Variants in TBC1D23 observed in about 807,000 individuals in gnomAD.
TBC1D23 encodes HCV non-structural protein 4A-transactivated protein 1.
A neutral mutation model predicts 91.4 loss-of-function variants in TBC1D23; 55 were observed. That is an observed-to-expected ratio of 0.60 (90% confidence interval 0.48 to 0.75). The LOEUF is 0.75. Among genes scored for constraint, TBC1D23 ranks in the 30% least tolerant of loss-of-function variants. The pLI, the probability that TBC1D23 is intolerant of heterozygous loss-of-function variation, is 0.00. For missense variants in TBC1D23, 725 were observed against 836.1 expected (o/e 0.87, Z 1.64); for synonymous variants, 289 against 281.0 (o/e 1.03, Z -0.28).
intron 16 of TBC1D23, among the ~76,000 whole-genome samples, chr3:100,316,463 A>C (rs2148872175): frequency 6.6e-6 from 1 of 152,142 alleles, no homozygotes; most frequent in South Asian, 2.1e-4. Context: ...AATAATAATA[A>C]AATTTTAAAA....
intron 1 of TBC1D23, among the ~76,000 whole-genome samples, chr3:100,265,473 A>G (rs2067550381): frequency 6.6e-6 from 1 of 152,244 alleles, no homozygotes; most frequent in Non-Finnish European, 1.5e-5. Flanking sequence ...AAAAATTAAT[A>G]TAAGTTATGA....
chr3:100,291,763 C>T (rs2067792461), intron 5 of TBC1D23, among the ~76,000 whole-genome samples: 1 of 149,084 alleles, frequency 6.7e-6, no homozygotes, highest in African/African-American at 2.5e-5. Context: ...TTGGCTACAT[C>T]AAAGATGGAT....
At chr3:100,296,057 C>A in intron 7 of TBC1D23, 115 bp from the exon 8 acceptor site, 1 of 513,904 alleles carries the variant, frequency 1.9e-6, no homozygotes, top group Non-Finnish European at 3.4e-6. Context: ...TGTAAAAGCA[C>A]CAGTGTTGAG....
At chr3:100,313,013 T>A (rs944564551) in intron 15 of TBC1D23, among the ~76,000 whole-genome samples, 5 of 150,586 alleles carry the variant, frequency 3.3e-5, no homozygotes, top group Non-Finnish European at 5.9e-5. Flanking sequence ...TCTCAAAAAA[T>A]AATAATAATA....
chr3:100,293,368 C>T (rs1198085094), intron 5 of TBC1D23, among the ~76,000 whole-genome samples: 4 of 151,706 alleles, frequency 2.6e-5, no homozygotes, highest in African/African-American at 2.4e-5. Flanking sequence ...CTCCTGACCT[C>T]GTGATCCACC....
intron 18 of TBC1D23, among the ~76,000 whole-genome samples, chr3:100,322,882 G>T (rs937510159): frequency 6.6e-6 from 1 of 151,254 alleles, no homozygotes; most frequent in Non-Finnish European, 1.5e-5. Flanking sequence ...ATTCTGCCTC[G>T]CATATAACAC....
rs1006971153 is a variant in TBC1D23, at chr3:100,283,670, C to A, written c.335C>A (p.Thr112Asn). ...CTTTTGGATATTGAATCTGTAATTA[C>A]CTTTTATTGTAAATCACGTAACATT... ...ELLLDIESVI[T>N]FYCKSRNIKY... The change falls in exon 4 of 19, where the codon ACC (threonine) becomes AAC (asparagine). Residue 112 changes from threonine (T) to asparagine (N), a missense_variant. By Grantham distance (65) the Thr-to-Asn change is moderately conservative. Transcript: ENST00000394144. 1.6e-5 allele frequency: 26 copies of A among 1,613,346 alleles called. No individual in the cohort carries two copies. Among genetic ancestry groups the A allele is most frequent in the Non-Finnish European group, 2.1e-5 (25 of 1,179,428 alleles).
At position 100,306,552 on chromosome 3, in the gene TBC1D23, A is replaced by G; in HGVS notation, c.1413+9A>G. Reference sequence around the variant, plus strand: ...GTATCAATTCTGTTGATGTAAGTATATGTAGAGAATATGTTACCGGATTTG... The same window carrying G: ...GTATCAATTCTGTTGATGTAAGTATGTGTAGAGAATATGTTACCGGATTTG... On this transcript the variant is annotated intron_variant, in intron 13 of 18. Transcript: ENST00000394144. The G allele has an allele frequency of 6.7e-7, 1 of 1,497,460 alleles. No homozygotes were observed. Among genetic ancestry groups the G allele is most frequent in the Non-Finnish European group, 9.3e-7 (1 of 1,075,966 alleles). 92.8% of individuals were successfully genotyped at this position (1,497,460 alleles called of 1,614,324 possible).
At chr3:100,293,900 A>C (rs548528796) in intron 5 of TBC1D23, among the ~76,000 whole-genome samples, 3 of 152,248 alleles carry the variant, frequency 2.0e-5, no homozygotes, top group Non-Finnish European at 4.4e-5. Flanking sequence ...AATTTAAATC[A>C]GAGATATTTT....
intron 1 of TBC1D23, among the ~76,000 whole-genome samples, chr3:100,264,304 C>A (rs1393745764): frequency 1.3e-5 from 2 of 151,874 alleles, no homozygotes; most frequent in Non-Finnish European, 2.9e-5. Context: ...CCTCCCCCTC[C>A]CTCCCTCTCT....
intron 1 of TBC1D23, among the ~76,000 whole-genome samples, chr3:100,271,658 A>G (rs1428961825): frequency 1.3e-5 from 2 of 152,198 alleles, no homozygotes; most frequent in African/African-American, 2.4e-5. Context: ...TGGCCTATAT[A>G]TTCTCTCTGG....
chr3:100,324,604 T>A lies in TBC1D23; in HGVS notation c.*936T>A, dbSNP rs1050440990. On this transcript the variant is annotated 3_prime_UTR_variant, in exon 19 of 19. Coordinates refer to ENST00000394144, the MANE Select transcript of TBC1D23 (RefSeq NM_001199198.3). ...TTGTTTTTGTCATCATTTTCTGAAT[T>A]TCTTTCTCTTCTTTTGGTTTTGTCC... The A allele has an allele frequency of 6.6e-6, 1 of 152,202 alleles. No individual in the cohort carries two copies. The highest frequency in any genetic ancestry group is 2.4e-5 in the African/African-American group (1 of 41,462). 9.4% of individuals were successfully genotyped at this position (152,202 alleles called of 1,614,324 possible).
rs144457791 is a variant in TBC1D23, at chr3:100,285,395, A to G, written c.476+1584A>G. On this transcript the variant is annotated intron_variant, in intron 4 of 18. Coordinates refer to ENST00000394144, the MANE Select transcript of TBC1D23 (RefSeq NM_001199198.3). ...GTTTAGCATTATGTTTTCTAGGTTCATATTGTATCATATATCTTATTTCAT... is the reference window on the plus strand; with the variant it reads ...GTTTAGCATTATGTTTTCTAGGTTCGTATTGTATCATATATCTTATTTCAT... Among the ~76,000 whole-genome samples the G allele has an allele frequency of 1.5e-3, 232 of 152,260 alleles. 1 individual carries two copies. The highest frequency in any genetic ancestry group is 5.3e-3 in the African/African-American group (219 of 41,536).
chr3:100,271,436 A>T (rs1004524767), intron 1 of TBC1D23, among the ~76,000 whole-genome samples: 1 of 152,202 alleles, frequency 6.6e-6, no homozygotes, highest in Non-Finnish European at 1.5e-5. Context: ...AGTGGAAAAT[A>T]GGAGAGAAGG....
At chr3:100,298,110 C>T in intron 9 of TBC1D23, 65 bp downstream of exon 9, 4 of 1,419,588 alleles carry the variant, frequency 2.8e-6, no homozygotes, top group Non-Finnish European at 3.9e-6. Context: ...CCAACTTCCT[C>T]CCTGTTCATT....
chr3:100,291,049 A>G (rs532607765), intron 5 of TBC1D23, among the ~76,000 whole-genome samples: 43 of 152,348 alleles, frequency 2.8e-4, no homozygotes, highest in African/African-American at 9.1e-4. Context: ...TCAATTGAGA[A>G]CTTTGTTTAA....
intron 1 of TBC1D23, among the ~76,000 whole-genome samples, chr3:100,270,379 A>G (rs1440979407): frequency 1.3e-5 from 2 of 152,208 alleles, no homozygotes; most frequent in Admixed American, 1.3e-4. Context: ...GCTGAGAAAG[A>G]TGACTAATGA....
At chr3:100,262,933 A>C (rs1379875416) in intron 1 of TBC1D23, among the ~76,000 whole-genome samples, 1 of 152,142 alleles carries the variant, frequency 6.6e-6, no homozygotes, top group Non-Finnish European at 1.5e-5. Flanking sequence ...AAATATCCAC[A>C]CATGGCTTGG....
At chr3:100,311,950 T>C in intron 15 of TBC1D23, 73 bp downstream of exon 15, 1 of 1,013,926 alleles carries the variant, frequency 9.9e-7, no homozygotes, top group South Asian at 1.4e-5. Context: ...TCTATAAGCC[T>C]CATGCTGTCT....
Sources: gnomAD v4.1 joint callset for allele counts (sites outside exome capture counted in the v4.1 genomes callset) on GRCh38, gnomAD v4.1.1 for gene constraint, MANE v1.5 for transcripts, NCBI Gene and HGNC (gene_info 2026-07-23, HGNC 2026-07-21) for gene names.